The following PMM1 variants were observed in gnomAD, a reference collection of about 807,000 sequenced individuals.
The protein encoded by PMM1 is brain glucose-1,6-bisphosphatase.
PMM1 carries 25 observed loss-of-function variants against 34.0 expected under a neutral mutation model. That is an observed-to-expected ratio of 0.73 (90% CI 0.54 to 1.03). The LOEUF (loss-of-function observed/expected upper bound fraction) is 1.03, where lower values mean the gene tolerates loss of function less well. Ranked by LOEUF, PMM1 falls within the 50% of genes least tolerant of loss-of-function variation. The pLI, the probability that PMM1 is intolerant of heterozygous loss-of-function variation, is 0.00. For synonymous variants in PMM1, 134 were observed against 143.9 expected (o/e 0.93, Z 0.49); for missense variants, 321 against 350.1 (o/e 0.92, Z 0.66).
At position 41,589,715 on chromosome 22, in the gene PMM1, C is replaced by T. The variant is rs1378045724; in HGVS notation, c.87+4G>A. On this transcript the variant is annotated splice_donor_region_variant and intron_variant, in intron 1 of 7. Coordinates refer to ENST00000216259, the MANE Select transcript of PMM1 (RefSeq NM_002676.3). ...GTGGGAGCTTCCAATCTTCAGGGTCCTACCTGGCGAGCCGGCGTGAGGGTC... is the reference window on the plus strand; with the variant it reads ...GTGGGAGCTTCCAATCTTCAGGGTCTTACCTGGCGAGCCGGCGTGAGGGTC... 2.5e-6 allele frequency: 4 copies of T among 1,609,406 alleles called. No individual in the cohort carries two copies. The Admixed American group carries it at 6.7e-5, about 27-fold the overall frequency.
Position 41,577,815 on chromosome 22 carries a change from G to A in PMM1, c.659C>T (p.Thr220Ile). ...GGGGTGGGCCACACTCACAGGGCTA[G>A]TCTCGTTCCCAAAGAAGTGGATGGT... ...FDTIHFFGNE[T>I]SPGGNDFEIF... Residue 220 changes from threonine (T) to isoleucine (I), a missense_variant, in exon 7 of 8, where the codon ACT becomes ATT. Coordinates refer to ENST00000216259, the MANE Select transcript of PMM1 (RefSeq NM_002676.3). 6.2e-7 allele frequency: 1 copy of A among 1,612,304 alleles called. No homozygotes were observed. The highest frequency in any genetic ancestry group is 1.1e-5 in the South Asian group (1 of 91,072).
intron 1 of PMM1, chr22:41,588,698 C>A: frequency 1.0e-6 from 1 of 985,500 alleles, no homozygotes; most frequent in South Asian, 4.7e-5. Flanking sequence ...GGATCCACCC[C>A]TGCAGGAAGG....
intron 5 of PMM1, chr22:41,579,369 G>A (rs548928144): frequency 6.5e-4 from 106 of 164,216 alleles, no homozygotes; most frequent in African/African-American, 2.4e-3. Flanking sequence ...ATGCAAAGAC[G>A]CGGCTGGGCT....
intron 5 of PMM1, chr22:41,579,115 G>T (rs2067210591): frequency 1.9e-6 from 1 of 521,734 alleles, no homozygotes; most frequent in Non-Finnish European, 3.5e-6. Flanking sequence ...TGGGGCTGTG[G>T]GCTGGGTCTT....
At position 41,577,798 on chromosome 22, in the gene PMM1, C is replaced by A. The variant is rs770860926; in HGVS notation, c.666+10G>T. The A allele has an allele frequency of 1.3e-6, 2 of 1,598,600 alleles. No homozygotes were observed. Among genetic ancestry groups the A allele is most frequent in the African/African-American group, 2.7e-5 (2 of 74,610 alleles). On this transcript the variant is annotated intron_variant, in intron 7 of 7. Coordinates refer to ENST00000216259, the MANE Select transcript of PMM1 (RefSeq NM_002676.3). Reference sequence around the variant, plus strand: ...TGCGTTAGGGGAAACCTGGGGTGGGCCACACTCACAGGGCTAGTCTCGTTC... The same window carrying A: ...TGCGTTAGGGGAAACCTGGGGTGGGACACACTCACAGGGCTAGTCTCGTTC...
chr22:41,587,764 C>T (rs1341464054), intron 1 of PMM1, among the ~76,000 whole-genome samples: 1 of 152,222 alleles, frequency 6.6e-6, no homozygotes, highest in African/African-American at 2.4e-5. Context: ...AGGGAAGCCA[C>T]ACCACAGTAA....
chr22:41,586,962 T>TAAAA (rs566062876), intron 1 of PMM1, among the ~76,000 whole-genome samples: 1 of 89,420 alleles, frequency 1.1e-5, no homozygotes, highest in African/African-American at 4.3e-5. Context: ...TACTAAAAAT[T>TAAAA]AAAAAAAAAA....
rs748511171 is a variant in PMM1 at position 41,578,794 on chromosome 22, G to A, written c.550+12C>T. 6.2e-7 allele frequency: 1 copy of A among 1,612,420 alleles called. No homozygotes were observed. Among genetic ancestry groups the A allele is most frequent in the South Asian group, 1.1e-5 (1 of 91,016 alleles). On this transcript the variant is annotated intron_variant, in intron 6 of 7. Transcript: ENST00000216259. ...TACCAGGCCTCCCAGGTCCTCTGCAGGGTGGACGTACCTCGAGAGAACCTC... is the reference window on the plus strand; with the variant it reads ...TACCAGGCCTCCCAGGTCCTCTGCAAGGTGGACGTACCTCGAGAGAACCTC...
At chr22:41,580,154 C>T (rs936799070) in intron 5 of PMM1, 3 of 152,282 alleles carry the variant, frequency 2.0e-5, no homozygotes, top group African/African-American at 7.2e-5. Flanking sequence ...CTAGACAGCC[C>T]CATGTGCAAG....
chr22:41,584,022 G>C lies in PMM1; in HGVS notation c.411C>G (p.Asn137Lys). ...TGCAGCTCCGGCCGATGGGCGAGATGTTCAGCATGCCATTCCGGAACTCGA... is the reference window on the plus strand; with the variant it reads ...TGCAGCTCCGGCCGATGGGCGAGATCTTCAGCATGCCATTCCGGAACTCGA... Reference protein sequence around the residue: ...TFIEFRNGMLNISPIGRSCTL... With the variant: ...TFIEFRNGMLKISPIGRSCTL... Residue 137 changes from asparagine (N) to lysine (K), a missense_variant, in exon 5 of 8, where the codon AAC (asparagine) becomes AAG (lysine). Asn to Lys is a moderately conservative substitution (Grantham distance 94). Coordinates refer to ENST00000216259, the MANE Select transcript of PMM1 (RefSeq NM_002676.3). 1.2e-6 allele frequency: 2 copies of C among 1,614,010 alleles called. No homozygotes were observed. The highest frequency in any genetic ancestry group is 1.7e-6 in the Non-Finnish European group (2 of 1,179,876).
In PMM1 at chr22:41,576,958, C is replaced by G. The variant is rs1253128705; in HGVS notation, c.*360G>C. 1.4e-5 allele frequency: 5 copies of G among 359,098 alleles called. No homozygotes were observed. In the East Asian group the frequency reaches 3.4e-4, roughly 25 times the overall value. The allele number at this position is 359,098 out of a possible 1,614,324, so 22.2% of individuals were successfully genotyped here. A position where few individuals can be genotyped will look rare whatever the true frequency, so the allele number is the denominator to read the frequency against. ...TCTCTAAAATAGGCACCTTCCCCAC[C>G]GTACCTCATCGCCCAGGGCAGGCAG... On this transcript the variant is annotated 3_prime_UTR_variant, in exon 8 of 8. Transcript: ENST00000216259.
In PMM1 at chr22:41,586,163, G is replaced by A. The variant is rs575496010; in HGVS notation, c.118C>T (p.Gln40Ter). The change falls in exon 2 of 8, where the codon CAG (glutamine) becomes TAG (stop). Residue 40 changes from glutamine to a stop codon, truncating the protein, a stop_gained. Transcript: ENST00000216259. LOFTEE classifies it high-confidence loss of function. ...KIDPEVAAFL[Q>*]KLRSRVQIGV... ...ATCTGCACTCTACTTCGTAGCTTCT[G>A]CAGGAAGGCGGCCACCTCAGGGTCA... 112 of 1,611,822 alleles carry A rather than the reference G, an allele frequency of 6.9e-5. No individual in the cohort carries two copies. The highest frequency in any genetic ancestry group is 4.5e-4 in the Admixed American group (27 of 59,880).
Position 41,577,332 on chromosome 22 carries a change from C to T in PMM1, c.775G>A (p.Ala259Thr). 2 of 1,613,068 alleles carry T rather than the reference C, an allele frequency of 1.2e-6. No individual in the cohort carries two copies. Among genetic ancestry groups the T allele is most frequent in the South Asian group, 2.2e-5 (2 of 91,084 alleles). The change falls in exon 8 of 8, where the codon GCT becomes ACT. Residue 259 changes from alanine to threonine, a missense_variant. Transcript: ENST00000216259. ...RCREIFFPET[A>T]HEA is the part of the protein sequence containing the mutation. ...GTGGGCCCCGGTCACGCCTCATGAGCTGTCTCTGGGAAGAAAATCTCCCGG... is the reference window on the plus strand; with the variant it reads ...GTGGGCCCCGGTCACGCCTCATGAGTTGTCTCTGGGAAGAAAATCTCCCGG...
intron 5 of PMM1, 150 bp from the exon 6 acceptor site, chr22:41,579,031 T>C (rs2067209616): frequency 1.5e-6 from 1 of 652,088 alleles, no homozygotes; most frequent in Admixed American, 2.4e-5. Context: ...CAGAGAGGGG[T>C]TGTGCCTTGG....
intron 2 of PMM1, among the ~76,000 whole-genome samples, chr22:41,585,642 C>T (rs2067299554): frequency 6.6e-6 from 1 of 152,098 alleles, no homozygotes; most frequent in Admixed American, 6.6e-5. Context: ...CAGGCACGTG[C>T]CAACACACCC....
At chr22:41,588,509 G>T in intron 1 of PMM1, 1 of 340,144 alleles carries the variant, frequency 2.9e-6, no homozygotes, top group East Asian at 1.7e-4. Flanking sequence ...GTGAGCCACT[G>T]AACCCAGCCT....
At chr22:41,582,690 T>C (rs1284619545) in intron 5 of PMM1, among the ~76,000 whole-genome samples, 1 of 151,586 alleles carries the variant, frequency 6.6e-6, no homozygotes, top group East Asian at 1.9e-4. Flanking sequence ...GAGGCCCCAC[T>C]GGGAAAAGGA....
intron 1 of PMM1, chr22:41,589,371 C>G: frequency 2.2e-6 from 1 of 451,790 alleles, no homozygotes; most frequent in East Asian, 4.6e-5. Context: ...AGGGTGGGAT[C>G]CCCAGCTCAG....
At chr22:41,578,713 T>C in intron 6 of PMM1, 93 bp downstream of exon 6, 1 of 1,042,948 alleles carries the variant, frequency 9.6e-7, no homozygotes, top group Non-Finnish European at 1.5e-6. Flanking sequence ...CTACTAAAGC[T>C]ACTGGGGGCC....
Sources: allele counts gnomAD v4.1 joint callset (sites outside exome capture counted in the v4.1 genomes callset), GRCh38; gene constraint gnomAD v4.1.1; transcripts MANE v1.5; gene names NCBI Gene and HGNC (gene_info 2026-07-23, HGNC 2026-07-21).